CLIP1: variants seen among roughly 807,000 people sequenced by gnomAD.
CLIP1 encodes CAP-Gly domain-containing linker protein 1.
In CLIP1, 66 loss-of-function variants were observed where a neutral mutation model predicts 161.6. That is an observed-to-expected ratio of 0.41 (90% CI 0.33 to 0.50). The LOEUF is 0.50. Ranked by LOEUF, CLIP1 falls within the 20% of genes least tolerant of loss-of-function variation. CLIP1 has a pLI of 0.27. For missense variants in CLIP1, 1,376 were observed against 1,702.0 expected, an observed-to-expected ratio of 0.81 and a Z score of 3.37; for synonymous variants, 598 against 626.2, an observed-to-expected ratio of 0.96 and a Z score of 0.67.
In CLIP1 at chr12:122,379,943, T is replaced by TAAAAAAAAAAAAAAAAAAAAAA. The variant is rs1566198620; in HGVS notation, c.85+424_85+425insTTTTTTTTTTTTTTTTTTTTTT. Among the ~76,000 whole-genome samples, 173 of 70,300 alleles carry TAAAAAAAAAAAAAAAAAAAAAA rather than the reference T, an allele frequency of 2.5e-3. 16 individuals are homozygous for TAAAAAAAAAAAAAAAAAAAAAA. The highest frequency in any genetic ancestry group is 9.1e-3 in the South Asian group (16 of 1,766). 46.1% of individuals were successfully genotyped at this position (70,300 alleles called of 152,430 possible). A position where few individuals can be genotyped will look rare whatever the true frequency, so the allele number is the denominator to read the frequency against. ...TGGGGAATAGAGCAAGACTCCATCTTTAAAAAAAAAAAAAAAAAATGCAAG... is the reference window on the plus strand; with the variant it reads ...TGGGGAATAGAGCAAGACTCCATCTTAAAAAAAAAAAAAAAAAAAAAATAAAAAAAAAAAAAAAAAATGCAAG... On this transcript the variant is annotated intron_variant, in intron 2 of 25. Coordinates refer to ENST00000620786, the MANE Select transcript of CLIP1 (RefSeq NM_001247997.2).
At position 122,387,547 on chromosome 12, in the gene CLIP1, CATATATATATAT is replaced by C. The variant is rs773688335; in HGVS notation, c.-106-7001_-106-6990del. ...TTCAACCCTTGAATACATGCCTTTT[CATATATATATAT>C]ATATATATATATATATATATATATA... is the stretch of plus-strand genomic sequence containing the variant. On this transcript the variant is annotated intron_variant, in intron 1 of 25. Transcript: ENST00000620786. Among the ~76,000 whole-genome samples, 106 of 40,362 alleles carry C rather than the reference CATATATATATAT, an allele frequency of 2.6e-3. 2 individuals carry two copies. The highest frequency in any genetic ancestry group is 6.0e-3 in the African/African-American group (91 of 15,292). The allele number at this position is 40,362 out of a possible 152,430, so 26.5% of individuals were successfully genotyped here.
intron 3 of CLIP1, 64 bp from the exon 4 acceptor site, chr12:122,364,171 C>T (rs1954013272): frequency 4.4e-6 from 7 of 1,588,696 alleles, no homozygotes; most frequent in Admixed American, 3.4e-5. Flanking sequence ...CGTTTGTGGT[C>T]CCTACTAGTA....
chr12:122,337,429 C>T (rs987768152), intron 11 of CLIP1, among the ~76,000 whole-genome samples: 1 of 140,992 alleles, frequency 7.1e-6, no homozygotes, highest in Non-Finnish European at 1.5e-5. Context: ...CTGGGTGACA[C>T]AGTGGGACTC....
At chr12:122,365,702 G>A (rs1954117921) in intron 3 of CLIP1, 3 of 655,074 alleles carry the variant, frequency 4.6e-6, no homozygotes, top group Non-Finnish European at 8.0e-6. Flanking sequence ...AGAAAGAACT[G>A]CTCCTGCTTC....
At chr12:122,417,964 G>A (rs887677574) in intron 1 of CLIP1, among the ~76,000 whole-genome samples, 2 of 151,694 alleles carry the variant, frequency 1.3e-5, no homozygotes, top group Non-Finnish European at 2.9e-5. Context: ...GTCTCTACTC[G>A]AAAGTCACAT....
intron 1 of CLIP1, among the ~76,000 whole-genome samples, chr12:122,390,176 T>TATATATATATATATATATA (rs1955540097): frequency 5.0e-5 from 5 of 99,972 alleles, no homozygotes; most frequent in Non-Finnish European, 8.4e-5. Flanking sequence ...GTCTCAGATA[T>TATATATATATATATATATA]ATATATATAT....
At chr12:122,319,456 G>A (rs548270522) in intron 17 of CLIP1, 108 bp from the exon 18 acceptor site, 134 of 769,994 alleles carry the variant, frequency 1.7e-4, no homozygotes, top group Non-Finnish European at 2.4e-4. Flanking sequence ...TGTGGGTAAG[G>A]GAGGCACACA....
chr12:122,310,188 T>G (rs1169820787), intron 19 of CLIP1, among the ~76,000 whole-genome samples: 3 of 152,066 alleles, frequency 2.0e-5, no homozygotes, highest in Admixed American at 2.0e-4. Flanking sequence ...ACAAATGAGA[T>G]GGTCAGTACA....
chr12:122,314,290 C>CA (rs35901280), intron 19 of CLIP1, among the ~76,000 whole-genome samples: 7,348 of 98,942 alleles, frequency 0.074, 274 homozygotes, highest in Middle Eastern at 0.12. Context: ...GACTCCATCT[C>CA]AAAAAAAAAA....
At chr12:122,401,634 C>T (rs1039887737) in intron 1 of CLIP1, among the ~76,000 whole-genome samples, 2 of 151,940 alleles carry the variant, frequency 1.3e-5, no homozygotes, top group African/African-American at 4.8e-5. Flanking sequence ...CGCCATTGTA[C>T]TCCAAGAAAG....
At chr12:122,376,635 T>A (rs1428087755) in intron 3 of CLIP1, among the ~76,000 whole-genome samples, 1 of 151,334 alleles carries the variant, frequency 6.6e-6, no homozygotes, top group Non-Finnish European at 1.5e-5. Flanking sequence ...CCCGGCTAAT[T>A]TTTTTTGTAT....
At chr12:122,354,772 T>TCCCAGCACTTTGGGAGGCCGAGG in intron 6 of CLIP1, 2 of 579,224 alleles carry the variant, frequency 3.5e-6, no homozygotes, top group Admixed American at 6.0e-5. Context: ...ACACCTCTCA[T>TCCCAGCACTTTGGGAGGCCGAGG]CTTTTTTGAA....
At chr12:122,370,356 C>A (rs1346664889) in intron 3 of CLIP1, among the ~76,000 whole-genome samples, 1 of 152,084 alleles carries the variant, frequency 6.6e-6, no homozygotes, top group African/African-American at 2.4e-5. Context: ...CCCTTTAGAT[C>A]ACGATGTGTT....
At chr12:122,403,978 C>T (rs972542640) in intron 1 of CLIP1, among the ~76,000 whole-genome samples, 6 of 152,186 alleles carry the variant, frequency 3.9e-5, no homozygotes, top group African/African-American at 1.4e-4. Flanking sequence ...ACAACAGTTC[C>T]GTGACTCAAA....
intron 2 of CLIP1, among the ~76,000 whole-genome samples, chr12:122,378,806 T>C (rs181389090): frequency 3.9e-5 from 6 of 151,924 alleles, no homozygotes; most frequent in Admixed American, 2.0e-4. Flanking sequence ...ACCAGCCCAG[T>C]CAACATGATG....
intron 20 of CLIP1, among the ~76,000 whole-genome samples, chr12:122,306,963 C>T (rs1306476573): frequency 2.0e-5 from 3 of 150,944 alleles, no homozygotes; most frequent in African/African-American, 7.3e-5. Context: ...ATCTCAGCTC[C>T]TCCACTGCCT....
At chr12:122,339,145 C>T (rs776078022) in intron 11 of CLIP1, among the ~76,000 whole-genome samples, 12 of 152,134 alleles carry the variant, frequency 7.9e-5, no homozygotes, top group African/African-American at 2.9e-4. Flanking sequence ...AGGAATGCAG[C>T]TGGCGAATGT....
chr12:122,278,744 CG>C (rs1177465204), intron 23 of CLIP1, 47 bp downstream of exon 23: 2 of 1,514,082 alleles, frequency 1.3e-6, no homozygotes, highest in Non-Finnish European at 1.8e-6. Context: ...AAGGGCTCCT[CG>C]GGAGGACGCG....
At chr12:122,312,929 C>T (rs950024588) in intron 19 of CLIP1, among the ~76,000 whole-genome samples, 2 of 152,176 alleles carry the variant, frequency 1.3e-5, no homozygotes, top group African/African-American at 4.8e-5. Context: ...CAGCTTTGAG[C>T]TCTGAGGAAT....
Sources: gnomAD v4.1 joint callset for allele counts (sites outside exome capture counted in the v4.1 genomes callset) on GRCh38, gnomAD v4.1.1 for gene constraint, MANE v1.5 for transcripts, NCBI Gene and HGNC (gene_info 2026-07-23, HGNC 2026-07-21) for gene names.